The following CALN1 variants were observed in gnomAD, a reference collection of about 807,000 sequenced individuals.
The protein encoded by CALN1 is calcium-binding protein 8.
CALN1 carries 17 observed loss-of-function variants against 30.6 expected under a neutral mutation model. The ratio of observed to expected loss-of-function variants is 0.56; its 90% CI spans 0.38 to 0.83. The LOEUF (loss-of-function observed/expected upper bound fraction) is 0.83, where lower values mean the gene tolerates loss of function less well. CALN1 is among the 40% of genes least tolerant of loss of function. The pLI, the probability that CALN1 is intolerant of heterozygous loss-of-function variation, is 0.00. For synonymous variants in CALN1, 156 were observed against 131.4 expected (o/e 1.19, Z -1.28); for missense variants, 291 against 354.9 (o/e 0.82, Z 1.45).
chr7:72,447,639 G>A (rs1427022584), upstream of CALN1, among the ~76,000 whole-genome samples: 3 of 151,784 alleles, frequency 2.0e-5, no homozygotes, highest in Non-Finnish European at 2.9e-5. Context: ...ATGCACACAC[G>A]CCTACCCATG....
At chr7:72,222,075 A>T (rs912295397) in intron 3 of CALN1, among the ~76,000 whole-genome samples, 8 of 151,886 alleles carry the variant, frequency 5.3e-5, no homozygotes, top group African/African-American at 1.9e-4. Context: ...AAAGTGCAAA[A>T]ATTAGCCAAG....
chr7:72,032,207 C>T (rs1801498493), intron 4 of CALN1, among the ~76,000 whole-genome samples: 1 of 151,918 alleles, frequency 6.6e-6, no homozygotes, highest in Non-Finnish European at 1.5e-5. Flanking sequence ...TACAGGCGCC[C>T]ACCACTGCGC....
chr7:72,488,666 C>G, the CALN1 span, among the ~76,000 whole-genome samples: 1 of 152,126 alleles, frequency 6.6e-6, no homozygotes, highest in Non-Finnish European at 1.5e-5. Flanking sequence ...GGAAGAATCA[C>G]AGGCCTGCCT....
intron 5 of CALN1, among the ~76,000 whole-genome samples, chr7:71,920,604 G>A (rs1465006776): frequency 6.6e-6 from 1 of 151,966 alleles, no homozygotes; most frequent in African/African-American, 2.4e-5. Context: ...CAAAGTACTG[G>A]GATTACAGGC....
chr7:72,343,575 G>T (rs780111661), intron 2 of CALN1, among the ~76,000 whole-genome samples: 1 of 151,930 alleles, frequency 6.6e-6, no homozygotes, highest in South Asian at 2.1e-4. Flanking sequence ...TATAACCAAT[G>T]GCAAGGATAC....
At chr7:72,205,573 T>TATATACATATATACAC (rs1791804207) in intron 3 of CALN1, among the ~76,000 whole-genome samples, 1 of 120,732 alleles carries the variant, frequency 8.3e-6, no homozygotes, top group African/African-American at 4.0e-5. Context: ...TATATGTATA[T>TATATACATATATACAC]ATATATATAT....
chr7:72,294,356 G>C (rs1798702518), intron 2 of CALN1, among the ~76,000 whole-genome samples: 1 of 152,114 alleles, frequency 6.6e-6, no homozygotes, highest in Non-Finnish European at 1.5e-5. Flanking sequence ...GATGATGAAG[G>C]TCATTCTATG....
At chr7:72,180,651 AT>A (rs1174048974) in intron 3 of CALN1, among the ~76,000 whole-genome samples, 1 of 132,972 alleles carries the variant, frequency 7.5e-6, no homozygotes, top group African/African-American at 2.9e-5. Flanking sequence ...AGTGTGGGTC[AT>A]GCTGGAGTGC....
chr7:72,010,770 G>A (rs1800024305), intron 5 of CALN1, among the ~76,000 whole-genome samples: 3 of 149,788 alleles, frequency 2.0e-5, no homozygotes, highest in South Asian at 2.1e-4. Flanking sequence ...CCAAGATCGC[G>A]TCACTGCGCT....
intron 4 of CALN1, among the ~76,000 whole-genome samples, chr7:72,060,162 T>C (rs1803549855): frequency 6.6e-6 from 1 of 152,130 alleles, no homozygotes; most frequent in Non-Finnish European, 1.5e-5. Flanking sequence ...GGGGAAATAC[T>C]TCCTGTCTTT....
chr7:71,835,282 G>C (rs2116451155), intron 5 of CALN1, among the ~76,000 whole-genome samples: 1 of 152,326 alleles, frequency 6.6e-6, no homozygotes, highest in African/African-American at 2.4e-5. Flanking sequence ...ACTTGGATAA[G>C]TCACACTTCC....
intron 3 of CALN1, among the ~76,000 whole-genome samples, chr7:72,119,516 G>C (rs62462816): frequency 1.5e-5 from 2 of 136,810 alleles, no homozygotes; most frequent in Non-Finnish European, 3.1e-5. Flanking sequence ...GTAAAAGAAA[G>C]GAAAAAAAAA....
intron 1 of CALN1, among the ~76,000 whole-genome samples, chr7:72,431,182 A>G (rs1449937714): frequency 6.6e-6 from 1 of 152,014 alleles, no homozygotes; most frequent in Non-Finnish European, 1.5e-5. Context: ...CACTGGCCTC[A>G]GCCTCCCAAA....
chr7:71,879,884 A>C (rs1402976726), intron 5 of CALN1, among the ~76,000 whole-genome samples: 1 of 152,122 alleles, frequency 6.6e-6, no homozygotes, highest in Non-Finnish European at 1.5e-5. Context: ...ATTAACTCTG[A>C]ATTAATAAGC....
At chr7:72,294,414 T>C (rs1407980757) in intron 2 of CALN1, among the ~76,000 whole-genome samples, 6 of 152,178 alleles carry the variant, frequency 3.9e-5, no homozygotes, top group African/African-American at 1.4e-4. Context: ...TAAACTTCTA[T>C]GTACCATATC....
intron 4 of CALN1, among the ~76,000 whole-genome samples, chr7:72,056,808 GACAAAC>G (rs200114479): frequency 1.7e-3 from 266 of 152,072 alleles, no homozygotes; most frequent in African/African-American, 6.0e-3. Context: ...ATCCACAAAA[GACAAAC>G]ACAAATATTA....
upstream of CALN1, among the ~76,000 whole-genome samples, chr7:72,416,272 G>T (rs937622006): frequency 6.6e-6 from 1 of 152,224 alleles, no homozygotes; most frequent in African/African-American, 2.4e-5. Flanking sequence ...CATATAATTA[G>T]AAGTGGGTAT....
chr7:72,377,279 CTT>C (rs777565580), intron 2 of CALN1, among the ~76,000 whole-genome samples: 3 of 152,062 alleles, frequency 2.0e-5, no homozygotes, highest in Non-Finnish European at 4.4e-5. Flanking sequence ...GGACTCTTGT[CTT>C]TAGCTTTTTT....
chr7:72,055,050 G>A (rs1357441130), intron 4 of CALN1, among the ~76,000 whole-genome samples: 2 of 152,166 alleles, frequency 1.3e-5, no homozygotes, highest in East Asian at 3.8e-4. Flanking sequence ...GAAGAGAAAT[G>A]CTGTTCATGA....
Sources: gnomAD v4.1 joint callset for allele counts (sites outside exome capture counted in the v4.1 genomes callset) on GRCh38, gnomAD v4.1.1 for gene constraint, MANE v1.5 for transcripts, NCBI Gene and HGNC (gene_info 2026-07-23, HGNC 2026-07-21) for gene names.